The following CELF2 variants were observed in gnomAD, a reference collection of about 807,000 sequenced individuals.
The protein encoded by CELF2 is CUG triplet repeat RNA-binding protein 2.
In CELF2, 8 loss-of-function variants were observed where a neutral mutation model predicts 62.6. That is an observed-to-expected ratio of 0.13 (90% CI 0.07 to 0.23). CELF2 has a LOEUF of 0.23. Ranked by LOEUF, CELF2 falls within the 10% of genes least tolerant of loss-of-function variation. CELF2 has a pLI of 1.00. For synonymous variants in CELF2, 258 were observed against 250.0 expected (o/e 1.03, Z -0.30); for missense variants, 333 against 671.0 (o/e 0.50, Z 5.56).
chr10:11,197,021 A>AAGGAAGGAAGGAAGG (rs1565230337), intron 2 of CELF2, among the ~76,000 whole-genome samples: 1 of 9,140 alleles, frequency 1.1e-4, no homozygotes, highest in African/African-American at 5.6e-4. Flanking sequence ...AGAAAGAAAG[A>AAGGAAGGAAGGAAGG]AAGAAAAGAA....
intron 2 of CELF2, among the ~76,000 whole-genome samples, chr10:11,166,311 C>G (rs1018102152): frequency 7.2e-5 from 11 of 152,130 alleles, no homozygotes; most frequent in Non-Finnish European, 1.6e-4. Flanking sequence ...GAGGGTTACG[C>G]CCTTATCAGT....
the CELF2 span, among the ~76,000 whole-genome samples, chr10:10,487,846 T>C: frequency 6.6e-6 from 1 of 152,154 alleles, no homozygotes; most frequent in African/African-American, 2.4e-5. Context: ...TATATCTGTA[T>C]CAAATAGTTG....
chr10:10,532,103 CA>C, the CELF2 span, among the ~76,000 whole-genome samples: 2 of 152,228 alleles, frequency 1.3e-5, no homozygotes, highest in African/African-American at 4.8e-5. Flanking sequence ...GAAAGGTACT[CA>C]AGTTCTTTCA....
chr10:11,127,665 T>C (rs1289097868), intron 1 of CELF2, among the ~76,000 whole-genome samples: 3 of 152,258 alleles, frequency 2.0e-5, no homozygotes, highest in Admixed American at 1.3e-4. Flanking sequence ...TATTTTTTCA[T>C]GTGTCTTTTG....
In CELF2 at chr10:11,256,535, C is replaced by G. The variant is rs2078784425; in HGVS notation, c.404-1203C>G. 2.7e-5 allele frequency among the ~76,000 whole-genome samples: 4 copies of G among 148,766 alleles called. No homozygotes were observed. The South Asian group carries it at 8.4e-4, about 31-fold the overall frequency. On this transcript the variant is annotated intron_variant, in intron 4 of 12. Coordinates refer to ENST00000633077, the MANE Select transcript of CELF2 (RefSeq NM_001326342.2). ...ACTTAAAGCAGAGTCCTCCTCTAGCCCAGGACACTCTTCAGTCTGGCTGCA... is the reference window on the plus strand; with the variant it reads ...ACTTAAAGCAGAGTCCTCCTCTAGCGCAGGACACTCTTCAGTCTGGCTGCA...
the CELF2 span, among the ~76,000 whole-genome samples, chr10:10,774,307 G>A: frequency 3.3e-5 from 5 of 152,280 alleles, no homozygotes; most frequent in African/African-American, 9.6e-5. Flanking sequence ...AGGGGCGGCC[G>A]TGCACTATGA....
intron 1 of CELF2, among the ~76,000 whole-genome samples, chr10:10,895,570 G>T (rs1044641772): frequency 6.6e-6 from 1 of 152,100 alleles, no homozygotes; most frequent in Non-Finnish European, 1.5e-5. Context: ...GTGGCCAAGG[G>T]TGTGGCTGGA....
At chr10:10,725,760 C>T in the CELF2 span, among the ~76,000 whole-genome samples, 1 of 152,128 alleles carries the variant, frequency 6.6e-6, no homozygotes, top group East Asian at 1.9e-4. Context: ...TCACTAAATG[C>T]AGAACGATAT....
At chr10:10,739,131 T>G in the CELF2 span, among the ~76,000 whole-genome samples, 2 of 152,058 alleles carry the variant, frequency 1.3e-5, no homozygotes, top group Non-Finnish European at 2.9e-5. Context: ...AATCACCAAA[T>G]AGAATCTGAC....
chr10:10,500,421 G>A, the CELF2 span, among the ~76,000 whole-genome samples: 1 of 152,154 alleles, frequency 6.6e-6, no homozygotes, highest in African/African-American at 2.4e-5. Flanking sequence ...CTGGTGGGAG[G>A]TAATTGAATC....
chr10:11,179,306 G>A (rs1053457841), intron 2 of CELF2, among the ~76,000 whole-genome samples: 10 of 151,724 alleles, frequency 6.6e-5, no homozygotes, highest in Non-Finnish European at 1.2e-4. Context: ...AAAGCTCCAC[G>A]CACACTTTGA....
chr10:11,295,850 AGAGGGGTTTT>A (rs1041018259), intron 9 of CELF2, among the ~76,000 whole-genome samples: 4 of 152,136 alleles, frequency 2.6e-5, no homozygotes, highest in African/African-American at 9.7e-5. Context: ...CCTCCCACCC[AGAGGGGTTTT>A]GAGGGCCCCT....
At chr10:11,320,860 C>T in intron 10 of CELF2, 1 of 1,543,964 alleles carries the variant, frequency 6.5e-7, no homozygotes, top group Non-Finnish European at 8.7e-7. Flanking sequence ...TCCTAAGCTC[C>T]CAGAAGCAAA....
At chr10:11,289,558 C>T (rs1268928177) in intron 9 of CELF2, among the ~76,000 whole-genome samples, 1 of 152,122 alleles carries the variant, frequency 6.6e-6, no homozygotes, top group Non-Finnish European at 1.5e-5. Context: ...AGACATTTCA[C>T]CTGGGGGATT....
chr10:11,225,267 C>T (rs2066120634), intron 3 of CELF2, among the ~76,000 whole-genome samples: 1 of 152,190 alleles, frequency 6.6e-6, no homozygotes, highest in South Asian at 2.1e-4. Context: ...ATTGTCCCTG[C>T]CTGTCATTAC....
At chr10:11,228,283 C>T (rs2067288046) in intron 3 of CELF2, among the ~76,000 whole-genome samples, 2 of 152,182 alleles carry the variant, frequency 1.3e-5, no homozygotes, top group South Asian at 4.1e-4. Flanking sequence ...TGAGTGTTTA[C>T]TATGTCCTCA....
chr10:11,176,649 G>C (rs2071256481), intron 2 of CELF2, among the ~76,000 whole-genome samples: 1 of 152,194 alleles, frequency 6.6e-6, no homozygotes, highest in Non-Finnish European at 1.5e-5. Flanking sequence ...CTGAATAAAG[G>C]CTGCTAGGTA....
At chr10:10,490,231 C>T in the CELF2 span, among the ~76,000 whole-genome samples, 1 of 152,106 alleles carries the variant, frequency 6.6e-6, no homozygotes, top group African/African-American at 2.4e-5. Flanking sequence ...AAATTAGAAA[C>T]AATCCTATTA....
chr10:10,678,331 C>G, the CELF2 span, among the ~76,000 whole-genome samples: 2 of 151,952 alleles, frequency 1.3e-5, no homozygotes, highest in African/African-American at 4.8e-5. Context: ...ATCTATATTT[C>G]AGGCAGTAAT....
Sources: gnomAD v4.1 joint callset for allele counts (sites outside exome capture counted in the v4.1 genomes callset) on GRCh38, gnomAD v4.1.1 for gene constraint, MANE v1.5 for transcripts, NCBI Gene and HGNC (gene_info 2026-07-23, HGNC 2026-07-21) for gene names.